Variants in TBRG4 observed in about 807,000 individuals in gnomAD.
TBRG4 encodes the protein FAST kinase domain-containing protein 4.
A neutral mutation model predicts 65.6 loss-of-function variants in TBRG4; 43 were observed. That is an observed-to-expected ratio of 0.66 (90% confidence interval 0.51 to 0.85). The LOEUF is 0.85. Ranked by LOEUF, TBRG4 falls within the 40% of genes least tolerant of loss-of-function variation. The pLI, the probability that TBRG4 is intolerant of heterozygous loss-of-function variation, is 0.00. For synonymous variants in TBRG4, 366 were observed against 341.4 expected, an observed-to-expected ratio of 1.07 and a Z score of -0.79; for missense variants, 709 against 787.9, an observed-to-expected ratio of 0.90 and a Z score of 1.20.
intron 2 of TBRG4, chr7:45,106,108 G>A (rs1441329032): frequency 3.6e-6 from 2 of 562,170 alleles, no homozygotes; most frequent in Non-Finnish European, 6.9e-6. Context: ...CCAAGCACCT[G>A]CAGAGCCAGA....
intron 9 of TBRG4, 46 bp downstream of exon 9, chr7:45,101,457 C>T: frequency 6.2e-7 from 1 of 1,602,904 alleles, no homozygotes; most frequent in Non-Finnish European, 8.5e-7. Context: ...ATATGCAGTC[C>T]AACAGCCATG....
chr7:45,106,157 C>T (rs1400258341), intron 2 of TBRG4: 1 of 476,388 alleles, frequency 2.1e-6, no homozygotes, highest in African/African-American at 2.0e-5. Context: ...GGGTACACCT[C>T]TGAGCCTGAT....
At chr7:45,103,286 C>T (rs1395488723) in intron 6 of TBRG4, 47 bp downstream of exon 6, 1 of 1,486,114 alleles carries the variant, frequency 6.7e-7, no homozygotes, top group African/African-American at 1.4e-5. Flanking sequence ...GAGCCATTAG[C>T]TGAAGGGGAG....
chr7:45,102,237 A>C, intron 7 of TBRG4, 110 bp downstream of exon 7: 1 of 1,557,050 alleles, frequency 6.4e-7, no homozygotes, highest in Non-Finnish European at 8.7e-7. Flanking sequence ...ATGGAGAGCG[A>C]GGGGGAGGGA....
chr7:45,103,527 G>C, intron 5 of TBRG4, 84 bp from the exon 6 acceptor site: 1 of 1,106,542 alleles, frequency 9.0e-7, no homozygotes, highest in Non-Finnish European at 1.3e-6. Context: ...AGTCTGAGGA[G>C]AGCCTGCATG....
At chr7:45,101,193 T>A (rs1231004901) in intron 10 of TBRG4, 65 bp downstream of exon 10, 5 of 1,507,034 alleles carry the variant, frequency 3.3e-6, no homozygotes, top group Non-Finnish European at 4.5e-6. Flanking sequence ...TTCCACCTGA[T>A]CCCCTCTCTA....
Position 45,102,508 on chromosome 7 carries a change from T to A in TBRG4, c.1177-17A>T. The stretch of plus-strand genomic sequence containing the variant: ...CTCATGTACCTGGGCAAGGATAGAG[T>A]GTGGTGGAGAAAGCAGGCTCTCCTT... On this transcript the variant is annotated splice_polypyrimidine_tract_variant and intron_variant, in intron 6 of 10. Transcript: ENST00000258770. 1 of 1,603,990 alleles carries A rather than the reference T, an allele frequency of 6.2e-7. No individual in the cohort carries two copies. Among genetic ancestry groups the A allele is most frequent in the Middle Eastern group, 2.1e-4 (1 of 4,760 alleles).
intron 2 of TBRG4, chr7:45,107,634 A>G (rs1365323284): frequency 6.5e-6 from 1 of 154,352 alleles, no homozygotes; most frequent in Admixed American, 6.5e-5. Context: ...GTACTGGAGT[A>G]AATTCTAATC....
chr7:45,104,010 A>C, intron 5 of TBRG4, 89 bp downstream of exon 5: 1 of 1,442,352 alleles, frequency 6.9e-7, no homozygotes, highest in Non-Finnish European at 9.1e-7. Context: ...GCATTTTCAG[A>C]CTGGCTTTAC....
chr7:45,105,775 A>G lies in TBRG4; in HGVS notation c.412-11T>C. On this transcript the variant is annotated splice_polypyrimidine_tract_variant and intron_variant, in intron 2 of 10. Transcript: ENST00000258770. ...CCAGACCGAGGCAATCTAGGCAGAG[A>G]AAGGACACAGGAGAAATGATGTGGC... The G allele has an allele frequency of 2.5e-6, 4 of 1,595,332 alleles. No homozygotes were observed. The highest frequency in any genetic ancestry group is 3.4e-6 in the Non-Finnish European group (4 of 1,168,912).
intron 3 of TBRG4, 71 bp downstream of exon 3, chr7:45,105,370 C>T (rs1247511035): frequency 2.0e-6 from 3 of 1,501,374 alleles, no homozygotes; most frequent in Non-Finnish European, 2.7e-6. Flanking sequence ...CTGCAGACAA[C>T]TGTCACCCAA....
Position 45,100,254 on chromosome 7 carries a change from G to A in TBRG4, c.*71C>T. On this transcript the variant is annotated 3_prime_UTR_variant, in exon 11 of 11. Coordinates refer to ENST00000258770, the MANE Select transcript of TBRG4 (RefSeq NM_004749.4). ...TCCTGCACAGAGGTTTGTCCTCAAG[G>A]GTGACCCTTCTTGGCCGCCCACAGC... is the stretch of plus-strand genomic sequence containing the variant. 7.5e-7 allele frequency: 1 copy of A among 1,341,648 alleles called. No individual in the cohort carries two copies. Among genetic ancestry groups the A allele is most frequent in the Non-Finnish European group, 1.0e-6 (1 of 960,208 alleles). 83.1% of individuals were successfully genotyped at this position (1,341,648 alleles called of 1,614,324 possible).
At chr7:45,101,753 C>T (rs201725206) in intron 8 of TBRG4, 72 bp downstream of exon 8, 316 of 1,598,078 alleles carry the variant, frequency 2.0e-4, no homozygotes, top group Non-Finnish European at 2.4e-4. Flanking sequence ...TTGCTGCAGA[C>T]GGGGTGGGTT....
rs1785040676 is a variant in TBRG4, at chr7:45,109,000, T to C, written c.238A>G (p.Thr80Ala). 9.3e-6 allele frequency: 15 copies of C among 1,611,794 alleles called. No homozygotes were observed. Among genetic ancestry groups the C allele is most frequent in the Non-Finnish European group, 1.3e-5 (15 of 1,178,960 alleles). Residue 80 changes from threonine (T) to alanine (A), a missense_variant, in exon 2 of 11, where the codon ACA (threonine) becomes GCA (alanine). Thr to Ala is a moderately conservative substitution (Grantham distance 58). Transcript: ENST00000258770. ...KQVDHLIKKA[T>A]RPEELLELLG... ...AGCTCCAGGAGCTCCTCTGGCCTTG[T>C]GGCCTTCTTGATGAGGTGGTCCACC...
intron 7 of TBRG4, 84 bp downstream of exon 7, chr7:45,102,263 T>C (rs750726257): frequency 1.9e-6 from 3 of 1,588,184 alleles, no homozygotes; most frequent in Non-Finnish European, 2.6e-6. Context: ...CTGGCCTCCA[T>C]CTGCCCCAAA....
intron 4 of TBRG4, 26 bp downstream of exon 4, chr7:45,104,512 T>C (rs2128645207): frequency 6.2e-7 from 1 of 1,613,508 alleles, no homozygotes; most frequent in Non-Finnish European, 8.5e-7. Flanking sequence ...CTCCCCTCTC[T>C]CCACCGTTCT....
chr7:45,102,483 C>G lies in TBRG4; in HGVS notation c.1185G>C (p.Glu395Asp), dbSNP rs1302321509. 1.2e-6 allele frequency: 2 copies of G among 1,610,194 alleles called. No individual in the cohort carries two copies. The highest frequency in any genetic ancestry group is 3.3e-5 in the Admixed American group (2 of 60,006). ...GGCCTGGCAGCTCTGACCCCAGCTT[C>G]TCATGTACCTGGGCAAGGATAGAGT... The part of the protein sequence containing the change: ...QEDQFFSLVH[E>D]KLGSELPGLE... Residue 395 changes from glutamate to aspartate, a missense_variant, in exon 7 of 11, where the codon GAG becomes GAC. Glu to Asp is a conservative substitution (Grantham distance 45). Coordinates refer to ENST00000258770, the MANE Select transcript of TBRG4 (RefSeq NM_004749.4).
At chr7:45,109,758 C>T (rs1785074661) in intron 1 of TBRG4, among the ~76,000 whole-genome samples, 1 of 152,158 alleles carries the variant, frequency 6.6e-6, no homozygotes, top group East Asian at 1.9e-4. Context: ...GGGTGGATCA[C>T]TTGAGGTCAG....
In TBRG4 at chr7:45,105,756, C is replaced by T. The variant is rs534180194; in HGVS notation, c.420G>A (p.Ser140=). 20 of 1,605,690 alleles carry T rather than the reference C, an allele frequency of 1.2e-5. No individual in the cohort carries two copies. The highest frequency in any genetic ancestry group is 1.3e-5 in the African/African-American group (1 of 74,742). Residue 140 remains serine, a synonymous_variant, in exon 3 of 11, where the codon TCG becomes TCA. Transcript: ENST00000258770. ...GCTTCGAGAGGGTACCATGCCAGACCGAGGCAATCTAGGCAGAGAAAGGAC... is the reference window on the plus strand; with the variant it reads ...GCTTCGAGAGGGTACCATGCCAGACTGAGGCAATCTAGGCAGAGAAAGGAC... ...LLCLLNSQIA[S]VWHGTLSKLL...
Sources: allele counts gnomAD v4.1 joint callset (sites outside exome capture counted in the v4.1 genomes callset), GRCh38; gene constraint gnomAD v4.1.1; transcripts MANE v1.5; gene names NCBI Gene and HGNC (gene_info 2026-07-23, HGNC 2026-07-21).